The following CALN1 variants were observed in gnomAD, a reference collection of about 807,000 sequenced individuals.
CALN1 encodes calneuron 1.
Under a neutral mutation model 30.6 loss-of-function variants are expected in CALN1, and 17 were observed. That is an observed-to-expected ratio of 0.56 (90% CI 0.38 to 0.83). The LOEUF is 0.83. Among genes scored for constraint, CALN1 ranks in the 40% least tolerant of loss-of-function variants. CALN1 has a pLI of 0.00. For missense variants in CALN1, 291 were observed against 354.9 expected (o/e 0.82, Z 1.45); for synonymous variants, 156 against 131.4 (o/e 1.19, Z -1.28).
chr7:72,358,572 C>T (rs1803377367), intron 2 of CALN1, among the ~76,000 whole-genome samples: 1 of 152,146 alleles, frequency 6.6e-6, no homozygotes, highest in Admixed American at 6.5e-5. Context: ...GTCAACCTGA[C>T]CCCAACTTCG....
chr7:72,381,496 T>C (rs192015711), intron 2 of CALN1, among the ~76,000 whole-genome samples: 235 of 152,286 alleles, frequency 1.5e-3, no homozygotes, highest in Non-Finnish European at 2.0e-3. Context: ...CCACGAATAC[T>C]ATGCAGCCAT....
intron 5 of CALN1, among the ~76,000 whole-genome samples, chr7:71,952,416 G>A (rs377619351): frequency 1.4e-4 from 21 of 152,292 alleles, no homozygotes; most frequent in South Asian, 1.0e-3. Context: ...CAGGGAAGGC[G>A]TGCATGTCAG....
intron 2 of CALN1, among the ~76,000 whole-genome samples, chr7:72,326,815 G>A (rs957661677): frequency 1.3e-5 from 2 of 152,018 alleles, no homozygotes. Context: ...AGGGCTCTGG[G>A]GTGTGAAATG....
chr7:71,916,819 GA>G (rs886140700), intron 5 of CALN1, among the ~76,000 whole-genome samples: 184 of 150,124 alleles, frequency 1.2e-3, no homozygotes, highest in African/African-American at 4.0e-3. Flanking sequence ...GAAGAAGCAA[GA>G]AAAAAAAAAT....
chr7:72,248,133 A>T (rs567343875), intron 3 of CALN1, among the ~76,000 whole-genome samples: 1 of 152,178 alleles, frequency 6.6e-6, no homozygotes, highest in South Asian at 2.1e-4. Flanking sequence ...TTTCTTTTTT[A>T]GATGGAGTTT....
intron 3 of CALN1, among the ~76,000 whole-genome samples, chr7:72,246,155 T>C (rs1466419991): frequency 1.3e-5 from 2 of 152,218 alleles, no homozygotes; most frequent in African/African-American, 2.4e-5. Flanking sequence ...GGTCTTGGGA[T>C]GAAGGAATCA....
intron 3 of CALN1, among the ~76,000 whole-genome samples, chr7:72,274,454 G>A (rs1797208010): frequency 6.7e-6 from 1 of 149,718 alleles, no homozygotes; most frequent in Non-Finnish European, 1.5e-5. Flanking sequence ...GTTGCAGTGA[G>A]CAAAGATCGC....
At chr7:72,481,046 G>A in the CALN1 span, among the ~76,000 whole-genome samples, 6 of 152,022 alleles carry the variant, frequency 3.9e-5, no homozygotes, top group Non-Finnish European at 7.4e-5. Context: ...TCCGCTTCCC[G>A]GGTTCAAGCG....
chr7:71,973,309 G>A (rs1442923320), intron 5 of CALN1, among the ~76,000 whole-genome samples: 3 of 152,086 alleles, frequency 2.0e-5, no homozygotes, highest in Non-Finnish European at 4.4e-5. Flanking sequence ...CCAAGTAGCT[G>A]GGATTACATG....
intron 3 of CALN1, among the ~76,000 whole-genome samples, chr7:72,208,934 GT>G (rs1344187618): frequency 3.9e-5 from 6 of 151,978 alleles, no homozygotes; most frequent in Non-Finnish European, 5.9e-5. Flanking sequence ...TTCCAGTCAT[GT>G]TCTGTTTCTT....
the CALN1 span, among the ~76,000 whole-genome samples, chr7:72,477,450 C>A: frequency 6.6e-6 from 1 of 152,030 alleles, no homozygotes; most frequent in Non-Finnish European, 1.5e-5. Flanking sequence ...GTTTTTGAGA[C>A]TCTGTCACCC....
chr7:71,991,141 C>T (rs1370390574), intron 5 of CALN1, among the ~76,000 whole-genome samples: 3 of 151,882 alleles, frequency 2.0e-5, no homozygotes, highest in African/African-American at 7.3e-5. Context: ...AAGAACAAAA[C>T]GAAAGCATAA....
At chr7:71,865,654 AG>A (rs565392938) in intron 5 of CALN1, among the ~76,000 whole-genome samples, 2 of 152,126 alleles carry the variant, frequency 1.3e-5, no homozygotes, top group Non-Finnish European at 2.9e-5. Flanking sequence ...CTAACCTTGG[AG>A]GGGGTTGTTA....
intron 5 of CALN1, among the ~76,000 whole-genome samples, chr7:72,022,817 G>A (rs1396968698): frequency 6.6e-6 from 1 of 151,398 alleles, no homozygotes; most frequent in African/African-American, 2.4e-5. Context: ...TATGCAAGAT[G>A]GGTACCTGAA....
At chr7:72,379,827 A>T (rs1804782834) in intron 2 of CALN1, among the ~76,000 whole-genome samples, 1 of 152,128 alleles carries the variant, frequency 6.6e-6, no homozygotes. Context: ...TGATGTTAGG[A>T]CTTAAAGCCT....
At chr7:72,117,971 A>G (rs865986302) in intron 3 of CALN1, among the ~76,000 whole-genome samples, 2,832 of 138,906 alleles carry the variant, frequency 0.02, 89 homozygotes, top group African/African-American at 0.073. Flanking sequence ...AAAAAAAAAG[A>G]AAAAAAAAAA....
At chr7:72,457,505 T>G in the CALN1 span, among the ~76,000 whole-genome samples, 2 of 152,150 alleles carry the variant, frequency 1.3e-5, no homozygotes, top group East Asian at 3.9e-4. Context: ...CAGCCTGGAA[T>G]GCCCTTCCTT....
intron 3 of CALN1, among the ~76,000 whole-genome samples, chr7:72,147,194 G>C (rs1321484158): frequency 1.3e-5 from 2 of 152,106 alleles, no homozygotes; most frequent in Non-Finnish European, 2.9e-5. Flanking sequence ...CTACAGCACG[G>C]GAGAAAATTT....
chr7:72,314,364 T>TACATATATAC (rs139136834), intron 2 of CALN1, among the ~76,000 whole-genome samples: 2 of 116,880 alleles, frequency 1.7e-5, no homozygotes, highest in South Asian at 2.6e-4. Flanking sequence ...TATATACATA[T>TACATATATAC]ACATATATAC....
Sources: allele counts gnomAD v4.1 joint callset (sites outside exome capture counted in the v4.1 genomes callset), GRCh38; gene constraint gnomAD v4.1.1; transcripts MANE v1.5; gene names NCBI Gene and HGNC (gene_info 2026-07-23, HGNC 2026-07-21).